The following NFKBIZ variants were observed in gnomAD, a reference collection of about 807,000 sequenced individuals.
NFKBIZ encodes the protein NF-kappa-B inhibitor zeta.
NFKBIZ carries 19 observed loss-of-function variants against 76.8 expected under a neutral mutation model. The observed-to-expected ratio is 0.25, with a 90% CI of 0.17 to 0.36. The LOEUF (loss-of-function observed/expected upper bound fraction) is 0.36, where lower values mean the gene tolerates loss of function less well. Ranked by LOEUF, NFKBIZ falls within the 10% of genes least tolerant of loss-of-function variation. The pLI is 1.00. For missense variants in NFKBIZ, 829 were observed against 910.9 expected, an observed-to-expected ratio of 0.91 and a Z score of 1.16; for synonymous variants, 368 against 354.8, an observed-to-expected ratio of 1.04 and a Z score of -0.42.
chr3:101,857,742 C>G (rs551431295), intron 11 of NFKBIZ: 1 of 985,336 alleles, frequency 1.0e-6, no homozygotes, highest in Non-Finnish European at 1.2e-6. Flanking sequence ...GTTTAAGGTT[C>G]GGAAAGAGAA....
chr3:101,854,442 T>C (rs1262775767), intron 5 of NFKBIZ, 136 bp from the exon 6 acceptor site: 4 of 609,924 alleles, frequency 6.6e-6, no homozygotes, highest in Middle Eastern at 2.6e-4. Context: ...AAAAGACAAA[T>C]TATGCTTTGT....
intron 2 of NFKBIZ, among the ~76,000 whole-genome samples, chr3:101,831,271 A>G (rs1942643707): frequency 6.6e-6 from 1 of 152,202 alleles, no homozygotes; most frequent in Non-Finnish European, 1.5e-5. Context: ...TGTGGCCCCC[A>G]AAGGGCCATA....
chr3:101,831,498 C>T (rs902990262), intron 2 of NFKBIZ, among the ~76,000 whole-genome samples: 1 of 152,180 alleles, frequency 6.6e-6, no homozygotes, highest in African/African-American at 2.4e-5. Context: ...TCTACATCCT[C>T]ATTTTTCATG....
chr3:101,846,497 G>A (rs554406497), upstream of NFKBIZ, among the ~76,000 whole-genome samples: 37 of 152,236 alleles, frequency 2.4e-4, 1 homozygote, highest in South Asian at 7.2e-3. Flanking sequence ...AGAAAACTTC[G>A]TTTTGAAACA....
intron 9 of NFKBIZ, 86 bp downstream of exon 9, chr3:101,855,988 CT>C (rs1943043786): frequency 1.0e-5 from 13 of 1,259,234 alleles, no homozygotes; most frequent in Non-Finnish European, 1.4e-5. Flanking sequence ...CAGATTCAAA[CT>C]TCTTTCTTTT....
chr3:101,860,009 A>T lies in NFKBIZ; in HGVS notation c.*638A>T, dbSNP rs2107426482. On this transcript the variant is annotated 3_prime_UTR_variant, in exon 12 of 12. Coordinates refer to ENST00000326172, the MANE Select transcript of NFKBIZ (RefSeq NM_031419.4). ...AAGTGAATTGTTGCTATTTAAAAAA[A>T]TTTTACAATTCTTACTAAGGAGTTT... 6.6e-6 allele frequency: 1 copy of T among 152,360 alleles called. No homozygotes were observed. The highest frequency in any genetic ancestry group is 2.4e-5 in the African/African-American group (1 of 41,590). 9.4% of individuals were successfully genotyped at this position (152,360 alleles called of 1,614,324 possible).
Position 101,857,296 on chromosome 3 carries a change from A to G in NFKBIZ, c.1940A>G (p.Tyr647Cys). ...AATTCATTTCTTTGTCTTCAGGCTT[A>G]CAATGGCAACACTGCCCTCCATGTT... ...SCLSFVNAKA[Y>C]NGNTALHVAA... The change falls in exon 11 of 12, where the codon TAC becomes TGC. Residue 647 changes from tyrosine to cysteine, a missense_variant. Physicochemically the swap from Tyr to Cys is radical, Grantham distance 194 (BLOSUM62 -2). Around this residue, in one of 4 missense-constraint regions of NFKBIZ, gnomAD observed 272 missense variants for 384.2 expected, o/e 0.71. Transcript: ENST00000326172. 1.2e-6 allele frequency: 2 copies of G among 1,614,194 alleles called. No homozygotes were observed. The highest frequency in any genetic ancestry group is 8.5e-7 in the Non-Finnish European group (1 of 1,180,024).
At chr3:101,851,982 TG>T in intron 1 of NFKBIZ, 102 bp from the exon 2 acceptor site, 1 of 1,397,410 alleles carries the variant, frequency 7.2e-7, no homozygotes, top group Non-Finnish European at 9.7e-7. Context: ...ATGTGCTGCT[TG>T]GGGACTTTAT....
chr3:101,854,686 G>A lies in NFKBIZ; in HGVS notation c.1443+3G>A, dbSNP rs1943022710. 2 of 1,606,272 alleles carry A rather than the reference G, an allele frequency of 1.2e-6. No homozygotes were observed. The highest frequency in any genetic ancestry group is 1.7e-6 in the Non-Finnish European group (2 of 1,173,146). Reference sequence around the variant, plus strand: ...ATATTAAAGAGCACAATGGACAGGTGAGGACCTTGACAGAGTCTGAAATGG... The same window carrying A: ...ATATTAAAGAGCACAATGGACAGGTAAGGACCTTGACAGAGTCTGAAATGG... On this transcript the variant is annotated splice_donor_region_variant and intron_variant, in intron 6 of 11. Coordinates refer to ENST00000326172, the MANE Select transcript of NFKBIZ (RefSeq NM_031419.4).
chr3:101,853,729 C>T lies in NFKBIZ; in HGVS notation c.1203C>T (p.Phe401=), dbSNP rs765182518. The part of the protein sequence containing the change: ...ASDSSNTSLP[F]SNMGNPMNTT... ...ACTCTTCAAACACTTCACTGCCATT[C>T]TCAAACATGGGAAATCCAATGAACA... Residue 401 remains phenylalanine, a synonymous_variant, in exon 5 of 12, where the codon TTC becomes TTT. Transcript: ENST00000326172. 11 of 1,614,248 alleles carry T rather than the reference C, an allele frequency of 6.8e-6. No homozygotes were observed. Among genetic ancestry groups the T allele is most frequent in the Non-Finnish European group, 8.5e-6 (10 of 1,180,048 alleles).
upstream of NFKBIZ, among the ~76,000 whole-genome samples, chr3:101,845,018 A>T (rs751445773): frequency 4.6e-5 from 7 of 152,152 alleles, no homozygotes; most frequent in Non-Finnish European, 8.8e-5. Context: ...CTGTAATCTC[A>T]GCACTTTGGG....
chr3:101,833,646 G>A (rs2107394124), intron 2 of NFKBIZ, among the ~76,000 whole-genome samples: 1 of 152,254 alleles, frequency 6.6e-6, no homozygotes, highest in East Asian at 1.9e-4. Context: ...CTTGAGAGAT[G>A]AGCTGTCTGA....
At chr3:101,848,436 G>A (rs1576812339), upstream of NFKBIZ, among the ~76,000 whole-genome samples, 1 of 152,278 alleles carries the variant, frequency 6.6e-6, no homozygotes, top group African/African-American at 2.4e-5. Flanking sequence ...CCCCTGCAAA[G>A]ATTTTCCTCC....
At chr3:101,829,232 T>A (rs1227345282) in intron 1 of NFKBIZ, among the ~76,000 whole-genome samples, 2 of 152,224 alleles carry the variant, frequency 1.3e-5, no homozygotes, top group South Asian at 2.1e-4. Flanking sequence ...CGTGGAGCAC[T>A]GCGGTGGCAG....
rs1943021024 is a variant in NFKBIZ at position 101,854,574 on chromosome 3, C to T, written c.1338-4C>T. The T allele has an allele frequency of 6.3e-7, 1 of 1,599,086 alleles. No homozygotes were observed. Among genetic ancestry groups the T allele is most frequent in the Non-Finnish European group, 8.6e-7 (1 of 1,167,402 alleles). Reference sequence around the variant, plus strand: ...TCACCCGCTTTCCTTTCCATGTTCCCCAGGTTCCTTCATATTGCTGTTGCC... The same window carrying T: ...TCACCCGCTTTCCTTTCCATGTTCCTCAGGTTCCTTCATATTGCTGTTGCC... On this transcript the variant is annotated splice_polypyrimidine_tract_variant and splice_region_variant and intron_variant, in intron 5 of 11. Coordinates refer to ENST00000326172, the MANE Select transcript of NFKBIZ (RefSeq NM_031419.4).
intron 2 of NFKBIZ, among the ~76,000 whole-genome samples, chr3:101,839,896 T>G (rs181463953): frequency 3.3e-5 from 5 of 152,276 alleles, no homozygotes; most frequent in African/African-American, 1.2e-4. Context: ...CCAGAGCATG[T>G]ACATTTTTTA....
rs771854070 is a variant in NFKBIZ, at chr3:101,853,188, T to C, written c.662T>C (p.Ile221Thr). The C allele has an allele frequency of 1.2e-6, 2 of 1,614,006 alleles. No individual in the cohort carries two copies. The highest frequency in any genetic ancestry group is 1.7e-5 in the Admixed American group (1 of 59,996). Residue 221 changes from isoleucine (I) to threonine (T), a missense_variant, in exon 5 of 12, where the codon ATC becomes ACC. Physicochemically the swap from Ile to Thr is moderately conservative, Grantham distance 89 (BLOSUM62 -1). Transcript: ENST00000326172. ...AGTGCTGATCTGCTTCAGAACATTA[T>C]CAACATTAAGAATGAATGCAGCCCC... ...ESSADLLQNI[I>T]NIKNECSPVS...
chr3:101,857,597 G>C, intron 11 of NFKBIZ, 138 bp downstream of exon 11: 2 of 1,461,614 alleles, frequency 1.4e-6, no homozygotes, highest in South Asian at 2.8e-5. Context: ...CACGGTAGCT[G>C]TCATAGCATT....
In NFKBIZ at chr3:101,858,343, ATAGT is replaced by A. The variant is rs1007187725; in HGVS notation, c.2103+888_2103+891del. The A allele has an allele frequency of 8.2e-6, 8 of 970,112 alleles. No individual in the cohort carries two copies. In the Admixed American group the frequency reaches 1.8e-4, roughly 22 times the overall value. 60.1% of individuals were successfully genotyped at this position (970,112 alleles called of 1,614,324 possible). On this transcript the variant is annotated intron_variant, in intron 11 of 11. Transcript: ENST00000326172. ...AAAAAGTTTTCATGTATATCATTTA[ATAGT>A]TAGAAGAACTTTACAAGTTTCAAGT... is the stretch of plus-strand genomic sequence containing the variant.
Sources: allele counts gnomAD v4.1 joint callset (sites outside exome capture counted in the v4.1 genomes callset), GRCh38; gene constraint gnomAD v4.1.1; regional missense constraint gnomAD v4.1.1; transcripts MANE v1.5; gene names NCBI Gene and HGNC (gene_info 2026-07-23, HGNC 2026-07-21).